The following MYCBP2 variants were observed in gnomAD, a reference collection of about 807,000 sequenced individuals.
MYCBP2 encodes the protein E3 ubiquitin-protein ligase MYCBP2.
Under a neutral mutation model 525.3 loss-of-function variants are expected in MYCBP2, and 120 were observed. That is an observed-to-expected ratio of 0.23 (90% CI 0.20 to 0.27). MYCBP2 has a LOEUF of 0.27. Ranked by LOEUF, MYCBP2 falls within the 10% of genes least tolerant of loss-of-function variation. MYCBP2 has a pLI of 1.00. For synonymous variants in MYCBP2, 1,894 were observed against 1,955.8 expected (o/e 0.97, Z 0.83); for missense variants, 4,149 against 5,657.1 (o/e 0.73, Z 8.55).
chr13:77,078,676 T>C, intron 66 of MYCBP2, 148 bp downstream of exon 66: 1 of 653,656 alleles, frequency 1.5e-6, no homozygotes, highest in East Asian at 2.7e-5. Context: ...TCCTATGTTT[T>C]GGACCACTTG....
intron 82 of MYCBP2, among the ~76,000 whole-genome samples, chr13:77,050,671 A>G (rs1180986443): frequency 6.6e-6 from 1 of 152,042 alleles, no homozygotes; most frequent in East Asian, 1.9e-4. Flanking sequence ...AAAAAATCAC[A>G]GAATCCTTTT....
rs374094798 is a variant in MYCBP2, at chr13:77,177,256, GA to G, written c.5340+491del. Among the ~76,000 whole-genome samples, 40 of 150,900 alleles carry G rather than the reference GA, an allele frequency of 2.7e-4. No homozygotes were observed. The South Asian group carries it at 8.2e-3, about 31-fold the overall frequency. On this transcript the variant is annotated intron_variant, in intron 35 of 82. Transcript: ENST00000544440. ...CTCTTTCTGAAAGTACAAAAAATATGAAGCAGTAGTGACCCAAGGTGGAAAG... is the reference window on the plus strand; with the variant it reads ...CTCTTTCTGAAAGTACAAAAAATATGAGCAGTAGTGACCCAAGGTGGAAAG...
At chr13:77,165,687 AT>A (rs1461233142) in intron 41 of MYCBP2, among the ~76,000 whole-genome samples, 1 of 152,154 alleles carries the variant, frequency 6.6e-6, no homozygotes, top group Non-Finnish European at 1.5e-5. Context: ...TTTTTCAATT[AT>A]TTGTCAAATA....
rs533947527 is a variant in MYCBP2, at chr13:77,225,965, T to A, written c.2738-411A>T. On this transcript the variant is annotated intron_variant, in intron 18 of 82. Transcript: ENST00000544440. ...TGATATTGTTAGTACTAGCCATTTT[T>A]AAAAAATTGCTAATGGATTCACAAG... 1.0e-3 allele frequency among the ~76,000 whole-genome samples: 157 copies of A among 152,316 alleles called. 1 individual carries two copies. The highest frequency in any genetic ancestry group is 3.4e-3 in the Middle Eastern group (1 of 294).
intron 61 of MYCBP2, 43 bp from the exon 62 acceptor site, chr13:77,087,676 G>A (rs1428729452): frequency 6.4e-7 from 1 of 1,553,574 alleles, no homozygotes; most frequent in Non-Finnish European, 8.8e-7. Context: ...TAAAATACAT[G>A]AGTTTAAAAA....
At chr13:77,266,610 T>C (rs1276622511) in intron 8 of MYCBP2, among the ~76,000 whole-genome samples, 1 of 151,898 alleles carries the variant, frequency 6.6e-6, no homozygotes, top group Non-Finnish European at 1.5e-5. Flanking sequence ...ATGATTTTTA[T>C]ACAACAAACA....
intron 55 of MYCBP2, among the ~76,000 whole-genome samples, chr13:77,104,592 A>T (rs780835771): frequency 2.0e-5 from 3 of 152,134 alleles, no homozygotes; most frequent in African/African-American, 7.2e-5. Flanking sequence ...CAAATAGATG[A>T]GGATGTAGAA....
intron 38 of MYCBP2, 74 bp downstream of exon 38, chr13:77,171,418 C>G: frequency 6.9e-7 from 1 of 1,447,608 alleles, no homozygotes; most frequent in Middle Eastern, 1.8e-4. Context: ...GAAGGCTCCT[C>G]TTCAATAATT....
intron 76 of MYCBP2, 102 bp downstream of exon 76, chr13:77,061,067 C>A: frequency 8.1e-7 from 1 of 1,239,352 alleles, no homozygotes; most frequent in Admixed American, 2.6e-5. Flanking sequence ...CATAATTAAA[C>A]ATCAGAATAT....
chr13:77,093,203 AAAT>A lies in MYCBP2; in HGVS notation c.10326_10328del (p.Phe3443del). The A allele has an allele frequency of 6.2e-7, 1 of 1,612,940 alleles. No individual in the cohort carries two copies. The highest frequency in any genetic ancestry group is 8.5e-7 in the Non-Finnish European group (1 of 1,179,376). On this transcript the variant is annotated inframe_deletion, in exon 59 of 83. Transcript: ENST00000544440. The stretch of plus-strand genomic sequence containing the variant: ...ACTTCATATTGCTCTCTGGCTCTTC[AAAT>A]ACATTAGGACTTGCATCAGGAGTTA...
chr13:77,099,148 A>G, intron 55 of MYCBP2, 135 bp from the exon 56 acceptor site: 1 of 1,156,170 alleles, frequency 8.6e-7, no homozygotes, highest in Non-Finnish European at 1.2e-6. Context: ...ATACTTGAAG[A>G]ATAAAGGAAA....
intron 55 of MYCBP2, among the ~76,000 whole-genome samples, chr13:77,119,777 T>C (rs756049212): frequency 2.0e-5 from 3 of 152,146 alleles, no homozygotes; most frequent in Non-Finnish European, 4.4e-5. Context: ...CGTGTGGCTA[T>C]TCACAGGCAC....
chr13:77,120,069 T>C (rs2050425763), intron 55 of MYCBP2, among the ~76,000 whole-genome samples: 1 of 152,184 alleles, frequency 6.6e-6, no homozygotes, highest in Non-Finnish European at 1.5e-5. Flanking sequence ...ATTAGTACAA[T>C]GACAGACAGT....
intron 7 of MYCBP2, among the ~76,000 whole-genome samples, chr13:77,268,355 A>G (rs1200661810): frequency 6.6e-6 from 1 of 152,230 alleles, no homozygotes; most frequent in Non-Finnish European, 1.5e-5. Context: ...ACACTGCTAT[A>G]ATAATATACT....
At chr13:77,159,538 T>C (rs2057619594) in intron 44 of MYCBP2, among the ~76,000 whole-genome samples, 1 of 152,218 alleles carries the variant, frequency 6.6e-6, no homozygotes, top group African/African-American at 2.4e-5. Flanking sequence ...ACTCGAATTA[T>C]AAATCTCCAC....
intron 8 of MYCBP2, among the ~76,000 whole-genome samples, chr13:77,264,625 T>C (rs1296171632): frequency 6.6e-6 from 1 of 152,162 alleles, no homozygotes; most frequent in Non-Finnish European, 1.5e-5. Flanking sequence ...AGCAGTCATG[T>C]ATCTTGGCTA....
chr13:77,295,778 A>G (rs1233993217), intron 2 of MYCBP2, among the ~76,000 whole-genome samples: 1 of 152,230 alleles, frequency 6.6e-6, no homozygotes, highest in Non-Finnish European at 1.5e-5. Flanking sequence ...GATTTTATAG[A>G]GATCTCTGCA....
At chr13:77,243,745 C>A in intron 16 of MYCBP2, 61 bp downstream of exon 16, 1 of 1,447,136 alleles carries the variant, frequency 6.9e-7, no homozygotes, top group Non-Finnish European at 9.3e-7. Flanking sequence ...ATTGTTTAAA[C>A]TGTCAGACTT....
chr13:77,129,334 C>A (rs1470403287), intron 52 of MYCBP2: 1 of 390,462 alleles, frequency 2.6e-6, no homozygotes, highest in Non-Finnish European at 4.5e-6. Context: ...TGTACTCTAG[C>A]ACCAACATGG....
Sources: gnomAD v4.1 joint callset for allele counts (sites outside exome capture counted in the v4.1 genomes callset) on GRCh38, gnomAD v4.1.1 for gene constraint, MANE v1.5 for transcripts, NCBI Gene and HGNC (gene_info 2026-07-23, HGNC 2026-07-21) for gene names.